LYPD6: variants seen among roughly 807,000 people sequenced by gnomAD.
LYPD6 encodes the protein ly6/PLAUR domain-containing protein 6.
In LYPD6, 15 loss-of-function variants were observed where a neutral mutation model predicts 22.7. The ratio of observed to expected loss-of-function variants is 0.66; its 90% CI spans 0.44 to 1.02. The LOEUF is 1.02. Among genes scored for constraint, LYPD6 ranks in the 50% least tolerant of loss-of-function variants. LYPD6 has a pLI of 0.00. For synonymous variants in LYPD6, 72 were observed against 77.5 expected (o/e 0.93, Z 0.37); for missense variants, 189 against 208.4 (o/e 0.91, Z 0.57).
At chr2:149,384,108 A>G (rs1471600996) in intron 1 of LYPD6, among the ~76,000 whole-genome samples, 1 of 152,190 alleles carries the variant, frequency 6.6e-6, no homozygotes, top group Non-Finnish European at 1.5e-5. Flanking sequence ...ATCCCATTAA[A>G]TATTTGTTGA....
intron 3 of LYPD6, among the ~76,000 whole-genome samples, chr2:149,457,176 G>T (rs1680976225): frequency 6.6e-6 from 1 of 152,170 alleles, no homozygotes. Flanking sequence ...ATAATTTTGA[G>T]AAGTCATGAT....
At chr2:149,375,806 G>C (rs567638591) in intron 1 of LYPD6, among the ~76,000 whole-genome samples, 1 of 152,296 alleles carries the variant, frequency 6.6e-6, no homozygotes, top group African/African-American at 2.4e-5. Context: ...TCCAACAAGA[G>C]TACGTCTGGG....
At chr2:149,480,510 C>G in the LYPD6 span, among the ~76,000 whole-genome samples, 1 of 115,324 alleles carries the variant, frequency 8.7e-6, no homozygotes, top group Non-Finnish European at 1.8e-5. Flanking sequence ...CCCCTTGTTG[C>G]CCACTCTCAT....
intron 1 of LYPD6, among the ~76,000 whole-genome samples, chr2:149,390,821 A>G (rs991021483): frequency 2.6e-5 from 4 of 152,242 alleles, no homozygotes; most frequent in South Asian, 2.1e-4. Flanking sequence ...ATGACATTGT[A>G]TAGATATAAT....
intron 1 of LYPD6, among the ~76,000 whole-genome samples, chr2:149,391,516 G>C (rs192220395): frequency 2.6e-5 from 4 of 152,010 alleles, no homozygotes; most frequent in Non-Finnish European, 5.9e-5. Context: ...TTTCTTTGAG[G>C]TCAAATTCCA....
chr2:149,458,428 A>C (rs1301561321), intron 3 of LYPD6, among the ~76,000 whole-genome samples: 1 of 152,154 alleles, frequency 6.6e-6, no homozygotes, highest in Admixed American at 6.6e-5. Context: ...ATCCCATGGC[A>C]TTAGTAGAGG....
At chr2:149,469,805 G>A (rs1681289603) in intron 4 of LYPD6, among the ~76,000 whole-genome samples, 1 of 152,058 alleles carries the variant, frequency 6.6e-6, no homozygotes, top group Admixed American at 6.6e-5. Flanking sequence ...TAAGTGACAG[G>A]CACAGAATTC....
At chr2:149,338,658 C>T (rs980442893) in intron 1 of LYPD6, among the ~76,000 whole-genome samples, 1 of 152,150 alleles carries the variant, frequency 6.6e-6, no homozygotes, top group African/African-American at 2.4e-5. Flanking sequence ...TTGGACTTCT[C>T]AGCCTTCAGG....
chr2:149,351,125 T>A (rs1473032652), intron 1 of LYPD6, among the ~76,000 whole-genome samples: 1 of 152,182 alleles, frequency 6.6e-6, no homozygotes, highest in East Asian at 1.9e-4. Flanking sequence ...CTGGGTATGG[T>A]GGCTCACGCC....
chr2:149,335,565 A>G (rs930631220), intron 1 of LYPD6, among the ~76,000 whole-genome samples: 6 of 152,198 alleles, frequency 3.9e-5, no homozygotes, highest in Admixed American at 1.3e-4. Flanking sequence ...AAAATGTTAA[A>G]GTAAATTTAG....
intron 1 of LYPD6, among the ~76,000 whole-genome samples, chr2:149,434,015 C>T (rs1158736247): frequency 6.6e-6 from 1 of 152,018 alleles, no homozygotes; most frequent in East Asian, 1.9e-4. Context: ...ATGGGTAGAA[C>T]GTGCAGATTT....
At chr2:149,468,855 AT>A (rs1478895815) in intron 4 of LYPD6, 80 bp downstream of exon 4, 3 of 1,455,842 alleles carry the variant, frequency 2.1e-6, no homozygotes, top group Non-Finnish European at 2.8e-6. Flanking sequence ...TCATGAGCAG[AT>A]TCTTACTCCC....
downstream of LYPD6, among the ~76,000 whole-genome samples, chr2:149,476,997 C>T (rs924306597): frequency 2.0e-5 from 3 of 152,080 alleles, no homozygotes; most frequent in African/African-American, 4.8e-5. Flanking sequence ...CACTGAGGTG[C>T]GTTGGGTGGA....
At chr2:149,470,594 T>G (rs1376372018) in intron 4 of LYPD6, 89 bp from the exon 5 acceptor site, 11 of 1,123,582 alleles carry the variant, frequency 9.8e-6, no homozygotes, top group Non-Finnish European at 1.4e-5. Flanking sequence ...ACTTGCATCT[T>G]GCCATGTGGG....
chr2:149,382,063 T>G (rs1453975475), intron 1 of LYPD6, among the ~76,000 whole-genome samples: 1 of 152,208 alleles, frequency 6.6e-6, no homozygotes, highest in Non-Finnish European at 1.5e-5. Context: ...TCAGTTATAG[T>G]CCAGTGTATA....
intron 1 of LYPD6, among the ~76,000 whole-genome samples, chr2:149,418,107 G>A (rs1054369915): frequency 1.3e-5 from 2 of 152,172 alleles, no homozygotes; most frequent in Admixed American, 6.5e-5. Flanking sequence ...TTCTGATTTT[G>A]CATGGGCTCG....
At chr2:149,483,011 A>C in the LYPD6 span, among the ~76,000 whole-genome samples, 26 of 152,324 alleles carry the variant, frequency 1.7e-4, no homozygotes, top group African/African-American at 6.3e-4. Flanking sequence ...TGACTACTTC[A>C]GTTCCCTGTG....
chr2:149,382,954 TG>T (rs1245927648), intron 1 of LYPD6, among the ~76,000 whole-genome samples: 1 of 152,056 alleles, frequency 6.6e-6, no homozygotes, highest in Admixed American at 6.6e-5. Context: ...CCAAGGAAAA[TG>T]GTCAGAATAA....
chr2:149,370,240 G>C (rs1300564900), intron 1 of LYPD6, among the ~76,000 whole-genome samples: 4 of 152,164 alleles, frequency 2.6e-5, no homozygotes, highest in African/African-American at 7.2e-5. Flanking sequence ...GATTGACACA[G>C]AGAGCTTATG....
Sources: gnomAD v4.1 joint callset for allele counts (sites outside exome capture counted in the v4.1 genomes callset) on GRCh38, gnomAD v4.1.1 for gene constraint, MANE v1.5 for transcripts, NCBI Gene and HGNC (gene_info 2026-07-23, HGNC 2026-07-21) for gene names.